Variants in NYAP2 observed in about 807,000 individuals in gnomAD.
NYAP2 encodes neuronal tyrosine-phosphorylated phosphoinositide-3-kinase adaptor 2, also known as neuronal tyrosine-phosphorylated phosphoinositide-3-kinase adapter 2.
NYAP2 carries 23 observed loss-of-function variants against 50.4 expected under a neutral mutation model. The ratio of observed to expected loss-of-function variants is 0.46; its 90% CI spans 0.33 to 0.65. The LOEUF (loss-of-function observed/expected upper bound fraction) is 0.65, where lower values mean the gene tolerates loss of function less well. Among genes scored for constraint, NYAP2 ranks in the 30% least tolerant of loss-of-function variants. NYAP2 has a pLI of 0.02. For missense variants in NYAP2, 885 were observed against 861.0 expected (o/e 1.03, Z -0.35); for synonymous variants, 394 against 365.2 (o/e 1.08, Z -0.90).
intron 3 of NYAP2, among the ~76,000 whole-genome samples, chr2:225,481,017 G>A (rs1471928747): frequency 1.3e-5 from 2 of 151,884 alleles, no homozygotes; most frequent in Non-Finnish European, 2.9e-5. Context: ...TTTCCTTCCC[G>A]TTTCTGCCTT....
intron 3 of NYAP2, among the ~76,000 whole-genome samples, chr2:225,460,215 C>A (rs754941649): frequency 9.2e-5 from 14 of 152,038 alleles, no homozygotes; most frequent in Non-Finnish European, 1.8e-4. Flanking sequence ...GCTACCAGTC[C>A]CCCTTACAGA....
the NYAP2 span, among the ~76,000 whole-genome samples, chr2:225,664,231 T>C: frequency 6.6e-6 from 1 of 152,222 alleles, no homozygotes; most frequent in Non-Finnish European, 1.5e-5. Flanking sequence ...GTTTCTCAAA[T>C]ATATCCAACC....
chr2:225,686,695 G>A, the NYAP2 span, among the ~76,000 whole-genome samples: 1 of 152,092 alleles, frequency 6.6e-6, no homozygotes, highest in African/African-American at 2.4e-5. Context: ...CAGTACACAA[G>A]TATATGGAGG....
chr2:225,478,363 A>G, intron 3 of NYAP2, among the ~76,000 whole-genome samples: 1 of 152,310 alleles, frequency 6.6e-6, no homozygotes, highest in East Asian at 1.9e-4. Context: ...TCTCTTCCTA[A>G]GTTAAAAATA....
At chr2:225,482,934 T>A (rs1045711566) in intron 3 of NYAP2, among the ~76,000 whole-genome samples, 1 of 152,180 alleles carries the variant, frequency 6.6e-6, no homozygotes, top group African/African-American at 2.4e-5. Context: ...TTTTGTGGAC[T>A]GTTCAGGACT....
chr2:225,422,297 C>A (rs1284094061), intron 3 of NYAP2, among the ~76,000 whole-genome samples: 1 of 152,150 alleles, frequency 6.6e-6, no homozygotes, highest in Non-Finnish European at 1.5e-5. Flanking sequence ...AAGAATACAT[C>A]CACTGAAGCT....
intron 3 of NYAP2, among the ~76,000 whole-genome samples, chr2:225,439,018 T>C (rs1689428911): frequency 6.6e-6 from 1 of 152,158 alleles, no homozygotes; most frequent in Admixed American, 6.5e-5. Context: ...AGAGGATGCA[T>C]ACATCTGCAT....
intron 3 of NYAP2, among the ~76,000 whole-genome samples, chr2:225,499,641 A>G (rs974553641): frequency 1.1e-4 from 16 of 152,170 alleles, no homozygotes; most frequent in Non-Finnish European, 5.9e-5. Context: ...CTCTGGTGGT[A>G]GAAGCCAGAG....
chr2:225,600,553 G>GA (rs1279966278), intron 5 of NYAP2, among the ~76,000 whole-genome samples: 2 of 152,166 alleles, frequency 1.3e-5, no homozygotes, highest in Admixed American at 1.3e-4. Flanking sequence ...TTACACTCAG[G>GA]AATGAATAAG....
intron 3 of NYAP2, among the ~76,000 whole-genome samples, chr2:225,409,770 T>C (rs1215598628): frequency 2.0e-5 from 3 of 152,086 alleles, no homozygotes; most frequent in African/African-American, 7.2e-5. Flanking sequence ...GCATATCTTT[T>C]GATTTTTTAA....
At chr2:225,488,788 G>T (rs1690349655) in intron 3 of NYAP2, among the ~76,000 whole-genome samples, 1 of 152,246 alleles carries the variant, frequency 6.6e-6, no homozygotes, top group South Asian at 2.1e-4. Flanking sequence ...ACACTCTTTT[G>T]GGACAGACTT....
At chr2:225,457,877 T>C (rs968875707) in intron 3 of NYAP2, among the ~76,000 whole-genome samples, 2 of 152,218 alleles carry the variant, frequency 1.3e-5, no homozygotes, top group African/African-American at 4.8e-5. Context: ...CAGATGAGTC[T>C]ACAGGGGCAA....
At chr2:225,565,570 G>T (rs935255860) in intron 4 of NYAP2, among the ~76,000 whole-genome samples, 4 of 152,156 alleles carry the variant, frequency 2.6e-5, no homozygotes, top group Non-Finnish European at 5.9e-5. Flanking sequence ...TAAATGTGAA[G>T]TATGTGTAAA....
the NYAP2 span, among the ~76,000 whole-genome samples, chr2:225,689,722 G>A: frequency 2.6e-5 from 4 of 152,008 alleles, no homozygotes; most frequent in African/African-American, 9.7e-5. Flanking sequence ...GAATTATAAG[G>A]GGACAATTAA....
intron 4 of NYAP2, among the ~76,000 whole-genome samples, chr2:225,521,956 G>A (rs1358816074): frequency 6.6e-6 from 1 of 152,122 alleles, no homozygotes; most frequent in Non-Finnish European, 1.5e-5. Flanking sequence ...TTCAGAGCCT[G>A]TTATTGGTCT....
chr2:225,556,531 C>T (rs1013283378), intron 4 of NYAP2, among the ~76,000 whole-genome samples: 1 of 152,118 alleles, frequency 6.6e-6, no homozygotes, highest in African/African-American at 2.4e-5. Flanking sequence ...TCCTTGAGCT[C>T]CTCAGTCATT....
intron 2 of NYAP2, among the ~76,000 whole-genome samples, chr2:225,406,577 G>A (rs1694943581): frequency 6.6e-6 from 1 of 151,672 alleles, no homozygotes; most frequent in Non-Finnish European, 1.5e-5. Context: ...AAAAAAGAAT[G>A]GTCATGGAAT....
intron 5 of NYAP2, among the ~76,000 whole-genome samples, chr2:225,611,901 T>TACACACAC (rs147331159): frequency 6.9e-6 from 1 of 145,552 alleles, no homozygotes; most frequent in Non-Finnish European, 1.5e-5. Context: ...TGTGTGTGTA[T>TACACACAC]ACACACACAC....
At chr2:225,413,845 T>C (rs1022951821) in intron 3 of NYAP2, among the ~76,000 whole-genome samples, 1 of 152,208 alleles carries the variant, frequency 6.6e-6, no homozygotes, top group Non-Finnish European at 1.5e-5. Context: ...GTATAGAATA[T>C]ACATGCTGAA....
Sources: gnomAD v4.1 joint callset for allele counts (sites outside exome capture counted in the v4.1 genomes callset) on GRCh38, gnomAD v4.1.1 for gene constraint, MANE v1.5 for transcripts, NCBI Gene and HGNC (gene_info 2026-07-23, HGNC 2026-07-21) for gene names.